Variants in DOCK2 observed in about 807,000 individuals in gnomAD.
DOCK2 encodes the protein dedicator of cytokinesis protein 2.
Under a neutral mutation model 248.9 loss-of-function variants are expected in DOCK2, and 87 were observed. That is an observed-to-expected ratio of 0.35 (90% CI 0.29 to 0.42). The LOEUF is 0.42. Ranked by LOEUF, DOCK2 falls within the 10% of genes least tolerant of loss-of-function variation. The pLI, the probability that DOCK2 is intolerant of heterozygous loss-of-function variation, is 1.00. For synonymous variants in DOCK2, 805 were observed against 821.6 expected, an observed-to-expected ratio of 0.98 and a Z score of 0.35; for missense variants, 1,747 against 2,300.2, an observed-to-expected ratio of 0.76 and a Z score of 4.92.
chr5:170,020,066 C>T (rs1380109349), intron 33 of DOCK2, among the ~76,000 whole-genome samples: 1 of 152,160 alleles, frequency 6.6e-6, no homozygotes, highest in African/African-American at 2.4e-5. Flanking sequence ...ACCCTAATCC[C>T]CACAGAATAA....
chr5:169,788,996 C>G (rs1030388445), intron 25 of DOCK2, among the ~76,000 whole-genome samples: 2 of 152,174 alleles, frequency 1.3e-5, no homozygotes, highest in African/African-American at 4.8e-5. Context: ...TCCTTCTACT[C>G]TCCACCCTCC....
intron 27 of DOCK2, among the ~76,000 whole-genome samples, chr5:169,981,622 T>C (rs1417484231): frequency 6.6e-6 from 1 of 152,200 alleles, no homozygotes; most frequent in African/African-American, 2.4e-5. Context: ...CAAAGTTCAC[T>C]GTTGTCTTTT....
chr5:169,652,279 T>A (rs1410692072), intron 1 of DOCK2, among the ~76,000 whole-genome samples: 1 of 152,210 alleles, frequency 6.6e-6, no homozygotes, highest in Non-Finnish European at 1.5e-5. Flanking sequence ...CCTTCACTGC[T>A]CTCTTGGCTG....
rs1264811762 is a variant in DOCK2, at chr5:169,702,352, C to T, written c.1308C>T (p.Asp436=). 2 of 1,613,826 alleles carry T rather than the reference C, an allele frequency of 1.2e-6. No individual in the cohort carries two copies. Among genetic ancestry groups the T allele is most frequent in the Admixed American group, 3.3e-5 (2 of 59,994 alleles). The part of the protein sequence containing the change: ...IYITLLQGDF[D]KYNKTTQRNV... ...TTACTCTCTTACAAGGTGACTTTGA[C>T]AAGTACAACAAGACCACACAGAGGA... Residue 436 remains aspartate (D), a synonymous_variant, in exon 14 of 52, where the codon GAC becomes GAT. Coordinates refer to ENST00000520908, the MANE Select transcript of DOCK2 (RefSeq NM_004946.3).
chr5:169,746,459 G>A lies in DOCK2; in HGVS notation c.2268-937G>A, dbSNP rs191711654. 5.3e-5 allele frequency among the ~76,000 whole-genome samples: 8 copies of A among 152,290 alleles called. No homozygotes were observed. The East Asian group carries it at 1.5e-3, about 29-fold the overall frequency. On this transcript the variant is annotated intron_variant, in intron 22 of 51. Transcript: ENST00000520908. ...GGAAAGCACCTTTGCCAAGGCCCGG[G>A]CACACTGAGGAGCTTTTTGAGCGTG...
chr5:170,081,665 CA>C, intron 50 of DOCK2, 176 bp from the exon 51 acceptor site: 3 of 705,150 alleles, frequency 4.3e-6, no homozygotes, highest in Non-Finnish European at 6.8e-6. Context: ...TGCAAGAGGA[CA>C]GCTTCAATGT....
intron 29 of DOCK2, among the ~76,000 whole-genome samples, chr5:169,990,549 C>CT (rs1778178912): frequency 6.6e-6 from 1 of 152,178 alleles, no homozygotes; most frequent in African/African-American, 2.4e-5. Flanking sequence ...GAACCGTGTC[C>CT]TGTCACTGAG....
intron 38 of DOCK2, among the ~76,000 whole-genome samples, chr5:170,042,841 T>C (rs1756567585): frequency 6.6e-6 from 1 of 152,204 alleles, no homozygotes; most frequent in Admixed American, 6.5e-5. Flanking sequence ...GGCTCCCCAA[T>C]TTAGAATGCT....
chr5:170,071,648 T>C (rs1292079025), intron 46 of DOCK2, among the ~76,000 whole-genome samples: 3 of 152,200 alleles, frequency 2.0e-5, no homozygotes, highest in Non-Finnish European at 2.9e-5. Context: ...ATCAAAAACA[T>C]ACATCCGTTT....
chr5:169,992,054 GA>G, intron 29 of DOCK2, among the ~76,000 whole-genome samples: 1 of 152,326 alleles, frequency 6.6e-6, no homozygotes, highest in South Asian at 2.1e-4. Context: ...CCTGTGGACA[GA>G]ACTGCCCTGT....
At chr5:169,777,865 T>A (rs1441589822) in intron 25 of DOCK2, among the ~76,000 whole-genome samples, 2 of 152,220 alleles carry the variant, frequency 1.3e-5, no homozygotes, top group Non-Finnish European at 2.9e-5. Flanking sequence ...TCATAGAAGG[T>A]ACAACTGGAA....
intron 27 of DOCK2, among the ~76,000 whole-genome samples, chr5:169,953,818 G>A (rs924090724): frequency 6.6e-6 from 1 of 152,206 alleles, no homozygotes; most frequent in African/African-American, 2.4e-5. Flanking sequence ...GTGGCTAAGA[G>A]CATGAGCCCT....
At chr5:169,730,592 C>T (rs934452503) in intron 22 of DOCK2, among the ~76,000 whole-genome samples, 4 of 152,140 alleles carry the variant, frequency 2.6e-5, no homozygotes, top group African/African-American at 7.2e-5. Context: ...ACACGTGTGT[C>T]GTAACCTCTA....
chr5:170,082,734 C>G, intron 51 of DOCK2, 62 bp from the exon 52 acceptor site: 1 of 1,603,278 alleles, frequency 6.2e-7, no homozygotes, highest in Non-Finnish European at 8.5e-7. Flanking sequence ...CTGGGAAGCT[C>G]CATTTTGGTG....
chr5:169,701,759 C>T (rs997317506), intron 13 of DOCK2, among the ~76,000 whole-genome samples: 3 of 152,174 alleles, frequency 2.0e-5, no homozygotes, highest in Admixed American at 6.5e-5. Context: ...CTCAGGCGAT[C>T]TGCCCGCTTT....
chr5:169,982,528 T>C (rs138917312), intron 27 of DOCK2, among the ~76,000 whole-genome samples: 7 of 152,302 alleles, frequency 4.6e-5, no homozygotes, highest in African/African-American at 1.7e-4. Flanking sequence ...CCCAACTAGA[T>C]CATGAACTCA....
rs946380877 is a variant in DOCK2, at chr5:169,738,254, C to T, written c.2268-9142C>T. Among the ~76,000 whole-genome samples, 10 of 152,268 alleles carry T rather than the reference C, an allele frequency of 6.6e-5. 1 individual carries two copies. Among genetic ancestry groups the T allele is most frequent in the Admixed American group, 2.0e-4 (3 of 15,286 alleles). On this transcript the variant is annotated intron_variant, in intron 22 of 51. Transcript: ENST00000520908. ...ATTTTCAACAGGAAAATGCTATGATCGCATCTGTGTTTTTAGAAAGGTCCC... is the reference window on the plus strand; with the variant it reads ...ATTTTCAACAGGAAAATGCTATGATTGCATCTGTGTTTTTAGAAAGGTCCC...
intron 25 of DOCK2, among the ~76,000 whole-genome samples, chr5:169,778,401 C>T (rs1765503270): frequency 6.6e-6 from 1 of 152,204 alleles, no homozygotes; most frequent in Non-Finnish European, 1.5e-5. Context: ...TTGGGCTGCA[C>T]TCGAGGATTT....
chr5:169,950,754 G>A (rs986383498), intron 27 of DOCK2, among the ~76,000 whole-genome samples: 9 of 152,082 alleles, frequency 5.9e-5, no homozygotes, highest in Middle Eastern at 3.2e-3. Flanking sequence ...CTTAAGATTC[G>A]GGTGTATCAG....
Sources: gnomAD v4.1 joint callset for allele counts (sites outside exome capture counted in the v4.1 genomes callset) on GRCh38, gnomAD v4.1.1 for gene constraint, MANE v1.5 for transcripts, NCBI Gene and HGNC (gene_info 2026-07-23, HGNC 2026-07-21) for gene names.